Variants in TNNT3 observed in about 807,000 individuals in gnomAD.
TNNT3 encodes the protein troponin T, fast skeletal muscle.
TNNT3 carries 36 observed loss-of-function variants against 54.2 expected under a neutral mutation model. That is an observed-to-expected ratio of 0.66 (90% CI 0.51 to 0.88). The LOEUF (loss-of-function observed/expected upper bound fraction) is 0.88, where lower values mean the gene tolerates loss of function less well. Ranked by LOEUF, TNNT3 falls within the 40% of genes least tolerant of loss-of-function variation. TNNT3 has a pLI of 0.00. For synonymous variants in TNNT3, 120 were observed against 109.7 expected (o/e 1.09, Z -0.59); for missense variants, 291 against 331.6 (o/e 0.88, Z 0.95).
chr11:1,929,298 G>A (rs1312945191), intron 7 of TNNT3, among the ~76,000 whole-genome samples, 155 bp downstream of exon 7: 1 of 152,222 alleles, frequency 6.6e-6, no homozygotes, highest in Non-Finnish European at 1.5e-5. Context: ...GCCAGGCCTT[G>A]CTGCTCCGCA....
At position 1,925,066 on chromosome 11, in the gene TNNT3, CCTTCTCCTGCTCCTGG is replaced by C; in HGVS notation, c.50-25_50-10del. ...CTGTTCCCTGTCTCCCTCAACCCCG[CCTTCTCCTGCTCCTGG>C]CTTCTCCGGCTCTCAGAGGAAGCCC... On this transcript the variant is annotated splice_polypyrimidine_tract_variant and intron_variant, in intron 4 of 15. Transcript: ENST00000278317. 6.2e-7 allele frequency: 1 copy of C among 1,611,858 alleles called. No individual in the cohort carries two copies. The highest frequency in any genetic ancestry group is 1.1e-5 in the South Asian group (1 of 90,818).
At chr11:1,932,028 A>G (rs892501090) in intron 8 of TNNT3, among the ~76,000 whole-genome samples, 1 of 152,114 alleles carries the variant, frequency 6.6e-6, no homozygotes, top group African/African-American at 2.4e-5. Context: ...TTGGGCCCCC[A>G]GAGAGAAAGA....
chr11:1,923,124 G>A (rs775147458), intron 3 of TNNT3, 63 bp downstream of exon 3: 1 of 1,606,214 alleles, frequency 6.2e-7, no homozygotes, highest in Non-Finnish European at 8.5e-7. Context: ...CATGTGGGCA[G>A]GGGGCTGGAC....
intron 6 of TNNT3, chr11:1,928,862 G>A (rs1852390317): frequency 1.7e-6 from 1 of 579,408 alleles, no homozygotes; most frequent in Non-Finnish European, 3.1e-6. Flanking sequence ...AGGTCCCCGT[G>A]TCCCTCCTAT....
At chr11:1,936,356 G>A (rs536036753) in intron 14 of TNNT3, 39 of 1,351,664 alleles carry the variant, frequency 2.9e-5, no homozygotes, top group Non-Finnish European at 3.8e-5. Flanking sequence ...GGATGCTGGC[G>A]GCAGGGGGCC....
intron 5 of TNNT3, chr11:1,926,348 C>T (rs3825026): frequency 0.042 from 51,617 of 1,241,224 alleles, 1,628 homozygotes; most frequent in East Asian, 0.11. Flanking sequence ...GCTCGCTCCC[C>T]GCACGCACCC....
At chr11:1,928,771 G>T (rs1406058917) in intron 6 of TNNT3, among the ~76,000 whole-genome samples, 1 of 152,174 alleles carries the variant, frequency 6.6e-6, no homozygotes, top group Non-Finnish European at 1.5e-5. Flanking sequence ...CAGATGCCAA[G>T]GTTGGCCCTG....
intron 7 of TNNT3, among the ~76,000 whole-genome samples, chr11:1,929,570 T>G (rs1303366256): frequency 6.6e-6 from 1 of 152,208 alleles, no homozygotes; most frequent in African/African-American, 2.4e-5. Flanking sequence ...TTCCTCACCC[T>G]TCCTCCTGGC....
chr11:1,926,557 G>A lies in TNNT3; in HGVS notation c.68-138G>A, dbSNP rs1169532994. 2.5e-6 allele frequency: 4 copies of A among 1,610,392 alleles called. No individual in the cohort carries two copies. In the East Asian group the frequency reaches 6.7e-5, roughly 27 times the overall value. On this transcript the variant is annotated intron_variant, in intron 5 of 15. Transcript: ENST00000278317. The stretch of plus-strand genomic sequence containing the variant: ...TGCAGGACCCAAGAAGGAACAAGAG[G>A]GGCCGCGTAACCCTGCACAGCCTGG...
rs1564795588 is a variant in TNNT3 at position 1,922,843 on chromosome 11, A to ATC, written c.-18-6_-18-5dup. The ATC allele has an allele frequency of 6.2e-7, 1 of 1,607,630 alleles. No homozygotes were observed. The highest frequency in any genetic ancestry group is 8.5e-7 in the Non-Finnish European group (1 of 1,177,542). ...ATCCTCTCTCTCTCTCTCTCTCTGAATCTCTCTCTGCAGAAACCACCCACC... is the reference window on the plus strand; with the variant it reads ...ATCCTCTCTCTCTCTCTCTCTCTGAATCTCTCTCTCTGCAGAAACCACCCACC... On this transcript the variant is annotated splice_polypyrimidine_tract_variant and intron_variant, in intron 1 of 15. Coordinates refer to ENST00000278317, the MANE Select transcript of TNNT3 (RefSeq NM_006757.4).
intron 7 of TNNT3, 132 bp from the exon 8 acceptor site, chr11:1,929,678 C>G: frequency 6.1e-6 from 6 of 986,498 alleles, no homozygotes; most frequent in Non-Finnish European, 9.5e-6. Context: ...GGGGGTACTC[C>G]CAGCTGAAAA....
chr11:1,936,243 G>A (rs768362461), intron 14 of TNNT3: 1 of 1,613,850 alleles, frequency 6.2e-7, no homozygotes, highest in Non-Finnish European at 8.5e-7. Context: ...GAGTGCAGAT[G>A]CTGGCCAAGT....
chr11:1,937,051 G>A, intron 15 of TNNT3, 48 bp downstream of exon 15: 1 of 1,552,552 alleles, frequency 6.4e-7, no homozygotes, highest in Non-Finnish European at 8.7e-7. Flanking sequence ...AGGGGCCCTT[G>A]GGGCCAGCCG....
intron 1 of TNNT3, 140 bp from the exon 2 acceptor site, chr11:1,922,717 A>T (rs974014852): frequency 5.1e-6 from 4 of 788,738 alleles, no homozygotes; most frequent in African/African-American, 1.7e-5. Flanking sequence ...GACTCACCCA[A>T]GGCCAGAGCT....
chr11:1,927,471 C>T (rs1351724149), intron 6 of TNNT3, among the ~76,000 whole-genome samples: 1 of 152,092 alleles, frequency 6.6e-6, no homozygotes, highest in East Asian at 1.9e-4. Context: ...CTCCTCCCTG[C>T]CGGGCCTGAG....
At chr11:1,920,652 C>T (rs1181939298) in intron 1 of TNNT3, among the ~76,000 whole-genome samples, 1 of 152,184 alleles carries the variant, frequency 6.6e-6, no homozygotes, top group African/African-American at 2.4e-5. Flanking sequence ...TTTGCCTCCC[C>T]ACCCTGCCCT....
chr11:1,926,826 C>G, intron 6 of TNNT3, 117 bp downstream of exon 6: 11 of 1,378,218 alleles, frequency 8.0e-6, no homozygotes, highest in Admixed American at 1.7e-5. Flanking sequence ...TGAACCCGTT[C>G]TGGCCTCTGG....
chr11:1,937,733 C>T (rs551036788), intron 15 of TNNT3, among the ~76,000 whole-genome samples: 1 of 152,294 alleles, frequency 6.6e-6, no homozygotes, highest in East Asian at 1.9e-4. Context: ...GCGCCCAGGG[C>T]GGGCTCCTCC....
At chr11:1,923,450 C>G in intron 3 of TNNT3, 105 bp from the exon 4 acceptor site, 1 of 1,276,016 alleles carries the variant, frequency 7.8e-7, no homozygotes, top group South Asian at 1.2e-5. Context: ...CAGGGGCAGT[C>G]GCTGGCCTGT....
Sources: gnomAD v4.1 joint callset for allele counts (sites outside exome capture counted in the v4.1 genomes callset) on GRCh38, gnomAD v4.1.1 for gene constraint, MANE v1.5 for transcripts, NCBI Gene and HGNC (gene_info 2026-07-23, HGNC 2026-07-21) for gene names.